Variants in PCSK5 observed in about 807,000 individuals in gnomAD.
PCSK5 encodes the protein prohormone convertase 5.
Under a neutral mutation model 233.2 loss-of-function variants are expected in PCSK5, and 129 were observed. The ratio of observed to expected loss-of-function variants is 0.55; its 90% CI spans 0.48 to 0.64. PCSK5 has a LOEUF of 0.64. Ranked by LOEUF, PCSK5 falls within the 30% of genes least tolerant of loss-of-function variation. The pLI is 0.00. For missense variants in PCSK5, 2,076 were observed against 2,430.1 expected, an observed-to-expected ratio of 0.85 and a Z score of 3.06; for synonymous variants, 825 against 879.2, an observed-to-expected ratio of 0.94 and a Z score of 1.09.
intron 5 of PCSK5, among the ~76,000 whole-genome samples, chr9:76,038,625 T>G (rs971775021): frequency 6.6e-6 from 1 of 152,214 alleles, no homozygotes; most frequent in African/African-American, 2.4e-5. Flanking sequence ...TGGGATAGGT[T>G]GGGCAGTGGA....
At chr9:75,939,165 A>G (rs562970716) in intron 2 of PCSK5, among the ~76,000 whole-genome samples, 160 of 152,348 alleles carry the variant, frequency 1.1e-3, no homozygotes, top group African/African-American at 3.6e-3. Context: ...ACATGAGCCC[A>G]GAGAACAAGA....
intron 9 of PCSK5, among the ~76,000 whole-genome samples, chr9:76,112,750 T>C (rs1832274605): frequency 1.3e-5 from 2 of 152,128 alleles, no homozygotes; most frequent in Non-Finnish European, 2.9e-5. Flanking sequence ...CAGGGGATTT[T>C]ATATTCTCAT....
intron 2 of PCSK5, among the ~76,000 whole-genome samples, chr9:75,965,289 G>A (rs1825531546): frequency 7.4e-6 from 1 of 135,738 alleles, no homozygotes; most frequent in African/African-American, 2.7e-5. Context: ...GTGTGTGTGT[G>A]TGGAGAGAGA....
chr9:76,335,783 G>T (rs1829661422), intron 34 of PCSK5, among the ~76,000 whole-genome samples: 1 of 152,088 alleles, frequency 6.6e-6, no homozygotes, highest in African/African-American at 2.4e-5. Context: ...ACTTTTGTAT[G>T]CTGCTTAAGA....
intron 5 of PCSK5, among the ~76,000 whole-genome samples, chr9:76,035,156 T>C (rs909469310): frequency 4.6e-5 from 7 of 152,206 alleles, no homozygotes; most frequent in Non-Finnish European, 1.0e-4. Context: ...CAGTGTTTCC[T>C]GATAGGCACT....
At position 76,251,342 on chromosome 9, in the gene PCSK5, T is replaced by TCC. The variant is rs1826796979; in HGVS notation, c.3142+10659_3142+10660insCC. ...ACTTTGGGAGGCCAAGGCGGGTGGA[T>TCC]CATGAGGTCAGAAGTTCAAGACCAG... On this transcript the variant is annotated intron_variant, in intron 24 of 37. Coordinates refer to ENST00000674117, the MANE Select transcript of PCSK5 (RefSeq NM_001372043.1). 1.5e-3 allele frequency among the ~76,000 whole-genome samples: 234 copies of TCC among 151,560 alleles called. 2 individuals are homozygous for TCC. The highest frequency in any genetic ancestry group is 6.8e-3 in the Middle Eastern group (2 of 294).
chr9:76,205,065 A>G (rs1392840506), intron 20 of PCSK5: 2 of 516,538 alleles, frequency 3.9e-6, no homozygotes, highest in Non-Finnish European at 7.7e-6. Context: ...AAAAGCTGAA[A>G]AATTGTCTTT....
At chr9:76,325,112 C>T (rs1049657380) in intron 32 of PCSK5, among the ~76,000 whole-genome samples, 9 of 152,130 alleles carry the variant, frequency 5.9e-5, no homozygotes, top group Admixed American at 4.6e-4. Flanking sequence ...TGTGAAAAGG[C>T]GTGGATGTCA....
At chr9:76,193,404 T>C in intron 20 of PCSK5, 1 of 856,022 alleles carries the variant, frequency 1.2e-6, no homozygotes, top group Non-Finnish European at 1.5e-6. Flanking sequence ...TATTCCATAT[T>C]ATTAAAAAGA....
chr9:76,278,029 A>AT (rs1250636339), intron 24 of PCSK5, among the ~76,000 whole-genome samples: 1 of 152,188 alleles, frequency 6.6e-6, no homozygotes, highest in African/African-American at 2.4e-5. Flanking sequence ...CAATTCAAGT[A>AT]TTGGCTGCTT....
At chr9:76,064,702 C>T (rs1321727200) in intron 5 of PCSK5, among the ~76,000 whole-genome samples, 22 of 149,752 alleles carry the variant, frequency 1.5e-4, no homozygotes, top group African/African-American at 5.2e-4. Flanking sequence ...GACGGGGCGG[C>T]CGGGCAGAGA....
intron 7 of PCSK5, among the ~76,000 whole-genome samples, chr9:76,077,232 C>T (rs1178782051): frequency 1.3e-5 from 2 of 152,070 alleles, no homozygotes; most frequent in African/African-American, 2.4e-5. Context: ...CATCTTCCAC[C>T]TAAGGCCACC....
chr9:76,244,376 C>A lies in PCSK5; in HGVS notation c.3142+3692C>A, dbSNP rs7048933. 4.2e-3 allele frequency among the ~76,000 whole-genome samples: 633 copies of A among 152,196 alleles called. 3 individuals are homozygous for A. Among genetic ancestry groups the A allele is most frequent in the African/African-American group, 0.014 (593 of 41,514 alleles). Reference sequence around the variant, plus strand: ...TTGAATAATTTACTATAGATTTCCCCAAGATTCCTCCTGTGAGAAGGGACA... The same window carrying A: ...TTGAATAATTTACTATAGATTTCCCAAAGATTCCTCCTGTGAGAAGGGACA... On this transcript the variant is annotated intron_variant, in intron 24 of 37. Transcript: ENST00000674117.
intron 3 of PCSK5, among the ~76,000 whole-genome samples, chr9:75,999,185 T>A (rs2131422641): frequency 1.3e-5 from 2 of 152,230 alleles, no homozygotes; most frequent in East Asian, 3.9e-4. Flanking sequence ...ACATTAGGTG[T>A]TTCTCTTAAT....
chr9:76,192,545 G>C (rs1824447277), intron 20 of PCSK5, among the ~76,000 whole-genome samples: 1 of 152,156 alleles, frequency 6.6e-6, no homozygotes. Flanking sequence ...GCCCAGATAT[G>C]AGAGTTGGAT....
intron 24 of PCSK5, among the ~76,000 whole-genome samples, chr9:76,245,056 A>G (rs1270166610): frequency 2.6e-5 from 4 of 152,136 alleles, no homozygotes; most frequent in Non-Finnish European, 5.9e-5. Flanking sequence ...TTTGAGGCAC[A>G]TTTTTTGTTT....
At chr9:76,310,538 G>A in intron 29 of PCSK5, 118 bp from the exon 30 acceptor site, 1 of 551,708 alleles carries the variant, frequency 1.8e-6, no homozygotes, top group Admixed American at 3.8e-5. Flanking sequence ...AAATATTTTG[G>A]TAAGCCTGAA....
chr9:76,343,606 T>G (rs1829898828), intron 35 of PCSK5, among the ~76,000 whole-genome samples: 1 of 152,122 alleles, frequency 6.6e-6, no homozygotes, highest in Admixed American at 6.6e-5. Flanking sequence ...CATCCTCTAA[T>G]CAGGGCATAA....
intron 24 of PCSK5, among the ~76,000 whole-genome samples, chr9:76,245,819 G>A (rs1339410209): frequency 1.3e-5 from 2 of 152,278 alleles, no homozygotes; most frequent in East Asian, 1.9e-4. Context: ...TGGTTATTGC[G>A]TTAACTGTGT....
Sources: allele counts gnomAD v4.1 joint callset (sites outside exome capture counted in the v4.1 genomes callset), GRCh38; gene constraint gnomAD v4.1.1; transcripts MANE v1.5; gene names NCBI Gene and HGNC (gene_info 2026-07-23, HGNC 2026-07-21).